The following VPS13B variants were observed in gnomAD, a reference collection of about 807,000 sequenced individuals.
VPS13B encodes the protein intermembrane lipid transfer protein VPS13B.
In VPS13B, 285 loss-of-function variants were observed where a neutral mutation model predicts 426.4. The observed-to-expected ratio is 0.67, with a 90% CI of 0.61 to 0.74. VPS13B has a LOEUF of 0.74. Ranked by LOEUF, VPS13B falls within the 30% of genes least tolerant of loss-of-function variation. The probability of loss-of-function intolerance (pLI) is 0.00; values close to 1 mark genes in which losing one functional copy is unlikely to be tolerated. For missense variants in VPS13B, 4,537 were observed against 4,782.6 expected (o/e 0.95, Z 1.51); for synonymous variants, 1,676 against 1,676.4 (o/e 1.00, Z 0.01).
chr8:99,745,792 ATGT>A (rs1191683994), intron 39 of VPS13B, among the ~76,000 whole-genome samples: 1 of 151,950 alleles, frequency 6.6e-6, no homozygotes, highest in Non-Finnish European at 1.5e-5. Flanking sequence ...CTTTTTGTTG[ATGT>A]TGTTATTGTT....
intron 3 of VPS13B, among the ~76,000 whole-genome samples, chr8:99,061,061 C>T (rs1462668771): frequency 5.3e-5 from 8 of 152,160 alleles, no homozygotes; most frequent in African/African-American, 1.9e-4. Flanking sequence ...CTGAAAGAAC[C>T]TTAGTTTGAA....
At chr8:99,748,762 T>C (rs916769838) in intron 39 of VPS13B, among the ~76,000 whole-genome samples, 6 of 152,024 alleles carry the variant, frequency 3.9e-5, no homozygotes, top group African/African-American at 1.4e-4. Context: ...AACTATATAC[T>C]CAGGAGTATA....
At chr8:99,433,492 AC>A (rs1817220838) in intron 22 of VPS13B, among the ~76,000 whole-genome samples, 1 of 152,242 alleles carries the variant, frequency 6.6e-6, no homozygotes, top group Non-Finnish European at 1.5e-5. Flanking sequence ...GAAAATCAGC[AC>A]ATAACATAGA....
chr8:99,742,341 G>C (rs1415318043), intron 39 of VPS13B, among the ~76,000 whole-genome samples: 5 of 152,140 alleles, frequency 3.3e-5, no homozygotes, highest in Admixed American at 6.6e-5. Flanking sequence ...TAATAGCTTA[G>C]CAACCAAAAA....
At chr8:99,019,158 A>T (rs572771983) in intron 2 of VPS13B, among the ~76,000 whole-genome samples, 18 of 151,918 alleles carry the variant, frequency 1.2e-4, no homozygotes, top group Admixed American at 2.6e-4. Flanking sequence ...TGGTTTTTTT[A>T]AAATTGTGAT....
intron 3 of VPS13B, among the ~76,000 whole-genome samples, chr8:99,040,883 T>G (rs1317163067): frequency 1.3e-5 from 2 of 152,162 alleles, no homozygotes; most frequent in Non-Finnish European, 2.9e-5. Context: ...AAGATTTTGT[T>G]AAATGCCTTG....
At chr8:99,157,995 T>A (rs1039926998) in intron 15 of VPS13B, among the ~76,000 whole-genome samples, 1 of 152,146 alleles carries the variant, frequency 6.6e-6, no homozygotes, top group Admixed American at 6.5e-5. Flanking sequence ...AGAAGAAAAA[T>A]TAGAAGCTGG....
At chr8:99,428,157 C>A (rs916290885) in intron 21 of VPS13B, among the ~76,000 whole-genome samples, 2 of 151,944 alleles carry the variant, frequency 1.3e-5, no homozygotes, top group Admixed American at 6.6e-5. Flanking sequence ...TAAAGACTTA[C>A]ATGTTAGACC....
At chr8:99,554,016 CTTAAT>C (rs1422901272) in intron 30 of VPS13B, among the ~76,000 whole-genome samples, 2 of 151,666 alleles carry the variant, frequency 1.3e-5, no homozygotes, top group Admixed American at 6.6e-5. Context: ...AGAAACATAG[CTTAAT>C]TTAAGTCCAA....
intron 19 of VPS13B, among the ~76,000 whole-genome samples, chr8:99,363,123 T>C (rs1812659990): frequency 6.6e-6 from 1 of 152,240 alleles, no homozygotes; most frequent in Non-Finnish European, 1.5e-5. Flanking sequence ...TTTAGTAGTT[T>C]CGTAGTTTGA....
chr8:99,830,718 G>T (rs1009454715), intron 51 of VPS13B, among the ~76,000 whole-genome samples: 1 of 152,142 alleles, frequency 6.6e-6, no homozygotes, highest in African/African-American at 2.4e-5. Flanking sequence ...GAAACCCAGG[G>T]CTCTTGTGGT....
chr8:99,465,023 T>A (rs982384696), intron 23 of VPS13B, among the ~76,000 whole-genome samples: 112 of 152,280 alleles, frequency 7.4e-4, no homozygotes, highest in African/African-American at 2.6e-3. Context: ...TTCTCTAAAA[T>A]GAAAGACTTA....
chr8:99,582,934 C>T (rs186607378), intron 33 of VPS13B, among the ~76,000 whole-genome samples: 6 of 152,308 alleles, frequency 3.9e-5, no homozygotes, highest in Non-Finnish European at 5.9e-5. Context: ...GGATTACAGG[C>T]GTGAGCCACT....
At chr8:99,165,716 C>T (rs1213543816) in intron 15 of VPS13B, among the ~76,000 whole-genome samples, 1 of 152,140 alleles carries the variant, frequency 6.6e-6, no homozygotes, top group Non-Finnish European at 1.5e-5. Flanking sequence ...GAAGTAGCAG[C>T]ATGTAATACA....
chr8:99,158,672 A>G lies in VPS13B; in HGVS notation c.2208+1929A>G, dbSNP rs142301583. ...CTATAAATGGAACAACAAAGCCTCAATGACAGTACATCTGTTTATGGCATG... is the reference window on the plus strand; with the variant it reads ...CTATAAATGGAACAACAAAGCCTCAGTGACAGTACATCTGTTTATGGCATG... On this transcript the variant is annotated intron_variant, in intron 15 of 61. Coordinates refer to ENST00000357162, the MANE Select transcript of VPS13B (RefSeq NM_152564.5). Among the ~76,000 whole-genome samples, 533 of 152,352 alleles carry G rather than the reference A, an allele frequency of 3.5e-3. 2 individuals are homozygous for G. The highest frequency in any genetic ancestry group is 5.7e-3 in the Admixed American group (87 of 15,308).
At chr8:99,315,566 G>A (rs1563664331) in intron 19 of VPS13B, among the ~76,000 whole-genome samples, 2 of 149,540 alleles carry the variant, frequency 1.3e-5, no homozygotes, top group South Asian at 2.1e-4. Flanking sequence ...CATCATTTAT[G>A]TGTGTTCTCT....
intron 22 of VPS13B, among the ~76,000 whole-genome samples, chr8:99,436,995 T>C (rs1817415319): frequency 6.6e-6 from 1 of 152,158 alleles, no homozygotes; most frequent in South Asian, 2.1e-4. Context: ...CGCCTCGGCC[T>C]CCTAAAGTGC....
rs1463093451 is a variant in VPS13B, at chr8:99,442,525, G to A, written c.3335G>A (p.Gly1112Glu). 3.1e-6 allele frequency: 5 copies of A among 1,613,936 alleles called. No homozygotes were observed. The Middle Eastern group carries it at 4.9e-4, about 160-fold the overall frequency. ...SWYHGQTSMP[G>E]TLVLCLPQIK... ...TACCATGGACAAACCAGCATGCCGG[G>A]AACACTTGTCCTCTGTTTGCCTCAA... The change falls in exon 23 of 62, where the codon GGA becomes GAA. Residue 1112 changes from glycine to glutamate, a missense_variant. Physicochemically the swap from Gly to Glu is moderately conservative, Grantham distance 98 (BLOSUM62 -2). Around this residue, in one of 2 missense-constraint regions of VPS13B, gnomAD observed 4,311 missense variants for 4,474.3 expected, o/e 0.96. Coordinates refer to ENST00000357162, the MANE Select transcript of VPS13B (RefSeq NM_152564.5).
chr8:99,406,010 C>T (rs1815307985), intron 21 of VPS13B, among the ~76,000 whole-genome samples: 4 of 152,092 alleles, frequency 2.6e-5, no homozygotes, highest in Admixed American at 2.6e-4. Context: ...GAACTCCTGA[C>T]CTTGTAATCC....
Sources: allele counts gnomAD v4.1 joint callset (sites outside exome capture counted in the v4.1 genomes callset), GRCh38; gene constraint gnomAD v4.1.1; regional missense constraint gnomAD v4.1.1; transcripts MANE v1.5; gene names NCBI Gene and HGNC (gene_info 2026-07-23, HGNC 2026-07-21).